Variants in PCLO observed in about 807,000 individuals in gnomAD.
PCLO encodes protein piccolo.
In PCLO, 82 loss-of-function variants were observed where a neutral mutation model predicts 427.5. The observed-to-expected ratio is 0.19, with a 90% CI of 0.16 to 0.23. PCLO has a LOEUF of 0.23. Among genes scored for constraint, PCLO ranks in the 10% least tolerant of loss-of-function variants. The pLI is 1.00. For synonymous variants in PCLO, 2,357 were observed against 2,155.4 expected (o/e 1.09, Z -2.59); for missense variants, 6,239 against 6,115.9 (o/e 1.02, Z -0.67).
At position 82,915,442 on chromosome 7, in the gene PCLO, C is replaced by G. The variant is rs1490571494; in HGVS notation, c.12544G>C (p.Ala4182Pro). The change falls in exon 7 of 25, where the codon GCC (alanine) becomes CCC (proline). Residue 4182 changes from alanine (A) to proline (P), a missense_variant. By Grantham distance (27) the Ala-to-Pro change is conservative (BLOSUM62 -1). Around this residue, in one of 5 missense-constraint regions of PCLO, gnomAD observed 680 missense variants for 677.3 expected, o/e 1.00. Coordinates refer to ENST00000333891, the MANE Select transcript of PCLO (RefSeq NM_033026.6). Reference sequence around the variant, plus strand: ...TTTGACTGCTTTTGATAAAGTATGGCTGCTGGCAGTTGTTTTGCTGCTTGT... The same window carrying G: ...TTTGACTGCTTTTGATAAAGTATGGGTGCTGGCAGTTGTTTTGCTGCTTGT... ...EKQAAKQLPA[A>P]ILYQKQSKHK... The G allele has an allele frequency of 6.2e-7, 1 of 1,613,448 alleles. No homozygotes were observed. The highest frequency in any genetic ancestry group is 1.3e-5 in the African/African-American group (1 of 74,898).
intron 3 of PCLO, among the ~76,000 whole-genome samples, chr7:83,125,356 T>G (rs1045978056): frequency 6.6e-6 from 1 of 151,196 alleles, no homozygotes; most frequent in Non-Finnish European, 1.5e-5. Context: ...AGTGGGGGGC[T>G]GCTCTGCCCG....
rs776452670 is a variant in PCLO, at chr7:82,879,473, C to A, written c.13529-11G>T. On this transcript the variant is annotated splice_polypyrimidine_tract_variant and intron_variant, in intron 9 of 24. Coordinates refer to ENST00000333891, the MANE Select transcript of PCLO (RefSeq NM_033026.6). ...TTCCTAATCCATTACCTGTATTAAA[C>A]AATTAGCAAATTATTAGTACTAATT... 1.3e-6 allele frequency: 2 copies of A among 1,569,698 alleles called. No individual in the cohort carries two copies. Among genetic ancestry groups the A allele is most frequent in the Admixed American group, 3.6e-5 (2 of 56,206 alleles).
intron 3 of PCLO, among the ~76,000 whole-genome samples, chr7:82,968,610 C>T (rs1001659158): frequency 2.2e-4 from 33 of 151,220 alleles, no homozygotes; most frequent in African/African-American, 7.8e-4. Flanking sequence ...ATCTCTGCCG[C>T]CCGGGTTCAA....
intron 3 of PCLO, among the ~76,000 whole-genome samples, chr7:83,066,974 T>G (rs1034777251): frequency 1.6e-4 from 25 of 152,306 alleles, no homozygotes; most frequent in African/African-American, 5.8e-4. Context: ...GACATGACAC[T>G]GCAAGTGAAA....
chr7:82,915,906 G>A lies in PCLO; in HGVS notation c.12080C>T (p.Ser4027Leu). 1 of 1,613,404 alleles carries A rather than the reference G, an allele frequency of 6.2e-7. No individual in the cohort carries two copies. Among genetic ancestry groups the A allele is most frequent in the Non-Finnish European group, 8.5e-7 (1 of 1,179,770 alleles). Residue 4027 changes from serine (S) to leucine (L), a missense_variant, in exon 7 of 25, where the codon TCA becomes TTA. Ser to Leu is a moderately radical substitution (Grantham distance 145). This residue lies in a region of PCLO where 680 missense variants were observed against 677.3 expected (regional missense o/e 1.00). Transcript: ENST00000333891. ...ATAGAAAGAATCTGCAGATATGCTTGATATTGGACTGCTTGCCATGCTACT... is the reference window on the plus strand; with the variant it reads ...ATAGAAAGAATCTGCAGATATGCTTAATATTGGACTGCTTGCCATGCTACT... ...ERSSMASSPI[S>L]SISADSFYAD...
chr7:82,890,771 T>C lies in PCLO; in HGVS notation c.13529-11309A>G, dbSNP rs199675339. On this transcript the variant is annotated intron_variant, in intron 9 of 24. Coordinates refer to ENST00000333891, the MANE Select transcript of PCLO (RefSeq NM_033026.6). ...AATATAAATCTCTGAATAACTTCTA[T>C]TTTAGGCTTGTAGATTTTCATTATA... is the stretch of plus-strand genomic sequence containing the variant. Among the ~76,000 whole-genome samples the C allele has an allele frequency of 3.3e-5, 5 of 152,016 alleles. No homozygotes were observed. In the East Asian group the frequency reaches 9.7e-4, roughly 29 times the overall value.
chr7:83,119,436 C>T (rs140760229), intron 3 of PCLO, among the ~76,000 whole-genome samples: 86 of 152,208 alleles, frequency 5.7e-4, no homozygotes, highest in African/African-American at 2.1e-3. Flanking sequence ...CTCTCACAGT[C>T]TCCAAGAGTC....
chr7:82,821,243 C>T (rs1466970748), intron 20 of PCLO: 5 of 987,468 alleles, frequency 5.1e-6, no homozygotes, highest in Non-Finnish European at 6.0e-6. Context: ...TCCTGCTATG[C>T]TGTGTCTGTG....
Position 82,867,386 on chromosome 7 carries a change from C to A in PCLO, c.13654+11951G>T, listed in dbSNP as rs551495083. ...TATCCCAGTTATCCAGCTAAGAACA[C>A]CTGGGTACTAAAAGTTTTAAAAAAT... On this transcript the variant is annotated intron_variant, in intron 10 of 24. Transcript: ENST00000333891. Among the ~76,000 whole-genome samples, 4 of 152,264 alleles carry A rather than the reference C, an allele frequency of 2.6e-5. No homozygotes were observed. In the South Asian group the frequency reaches 6.2e-4, roughly 24 times the overall value.
At position 83,155,142 on chromosome 7, in the gene PCLO, G is replaced by A. The variant is rs375483530; in HGVS notation, c.1499C>T (p.Pro500Leu). 7.9e-6 allele frequency: 12 copies of A among 1,517,382 alleles called. No homozygotes were observed. Among genetic ancestry groups the A allele is most frequent in the Non-Finnish European group, 1.1e-5 (12 of 1,115,710 alleles). The allele number at this position is 1,517,382 out of a possible 1,614,324, so 94.0% of individuals were successfully genotyped here. A position where few individuals can be genotyped will look rare whatever the true frequency, so the allele number is the denominator to read the frequency against. The stretch of plus-strand genomic sequence containing the variant: ...TTTTGTTGAGCCAGGCTGTTGAGAT[G>A]GGGGCTTTGCTGAGCCAGGCTGTTG... ...PPQQPGSAKP[P>L]SQQPGSTKPP... The change falls in exon 2 of 25, where the codon CCA becomes CTA. Residue 500 changes from proline (P) to leucine (L), a missense_variant. This residue lies in a region of PCLO where 4,677 missense variants were observed against 4,468.4 expected (regional missense o/e 1.05). Coordinates refer to ENST00000333891, the MANE Select transcript of PCLO (RefSeq NM_033026.6).
intron 22 of PCLO, among the ~76,000 whole-genome samples, chr7:82,801,069 T>G (rs1260692697): frequency 6.6e-6 from 1 of 151,522 alleles, no homozygotes; most frequent in Non-Finnish European, 1.5e-5. Context: ...GTTTAGCAAT[T>G]AATTTTTCTG....
rs199609017 is a variant in PCLO at position 83,030,119 on chromosome 7, G to GAAAAAA, written c.3301-63638_3301-63633dup. On this transcript the variant is annotated intron_variant, in intron 3 of 24. Coordinates refer to ENST00000333891, the MANE Select transcript of PCLO (RefSeq NM_033026.6). ...TAAAACTTAAAGTATAATAATAAAA[G>GAAAAAA]AAAAAAAAAAAAAAAGAAAAGAAAA... Among the ~76,000 whole-genome samples the GAAAAAA allele has an allele frequency of 7.4e-3, 770 of 104,038 alleles. 2 individuals carry two copies. Among genetic ancestry groups the GAAAAAA allele is most frequent in the Middle Eastern group, 0.02 (3 of 148 alleles). The allele number at this position is 104,038 out of a possible 152,430, so 68.3% of individuals were successfully genotyped here.
At chr7:83,045,770 T>C (rs1036386071) in intron 3 of PCLO, among the ~76,000 whole-genome samples, 2 of 152,104 alleles carry the variant, frequency 1.3e-5, no homozygotes, top group African/African-American at 2.4e-5. Context: ...ACCAAAATGA[T>C]GGTTGTATAA....
At chr7:83,048,498 C>T (rs1226841944) in intron 3 of PCLO, among the ~76,000 whole-genome samples, 1 of 152,028 alleles carries the variant, frequency 6.6e-6, no homozygotes, top group Non-Finnish European at 1.5e-5. Context: ...GTTTCATCCA[C>T]ACCCCAGGTC....
chr7:83,039,606 T>C (rs1327317772), intron 3 of PCLO, among the ~76,000 whole-genome samples: 1 of 152,130 alleles, frequency 6.6e-6, no homozygotes, highest in East Asian at 1.9e-4. Flanking sequence ...TGCTGCTTTG[T>C]AGTAAGTTTT....
At chr7:83,147,620 T>C (rs910376859) in intron 2 of PCLO, among the ~76,000 whole-genome samples, 1 of 152,104 alleles carries the variant, frequency 6.6e-6, no homozygotes, top group African/African-American at 2.4e-5. Flanking sequence ...TCCCTGACAT[T>C]TCACCAAGAA....
chr7:83,109,715 A>C (rs1790954618), intron 3 of PCLO, among the ~76,000 whole-genome samples: 1 of 152,180 alleles, frequency 6.6e-6, no homozygotes, highest in Admixed American at 6.6e-5. Context: ...AAAGCAAAGA[A>C]CAAAATGAAT....
intron 6 of PCLO, among the ~76,000 whole-genome samples, chr7:82,930,675 T>C (rs1794820149): frequency 6.6e-6 from 1 of 152,194 alleles, no homozygotes; most frequent in South Asian, 2.1e-4. Flanking sequence ...CCCTGGTCTC[T>C]GACTCCTTAT....
At chr7:82,813,650 A>G (rs926102387) in intron 20 of PCLO, among the ~76,000 whole-genome samples, 2 of 151,706 alleles carry the variant, frequency 1.3e-5, no homozygotes, top group African/African-American at 4.8e-5. Flanking sequence ...ATATTTGTCT[A>G]TTTTGTTTGC....
Sources: allele counts gnomAD v4.1 joint callset (sites outside exome capture counted in the v4.1 genomes callset), GRCh38; gene constraint gnomAD v4.1.1; regional missense constraint gnomAD v4.1.1; transcripts MANE v1.5; gene names NCBI Gene and HGNC (gene_info 2026-07-23, HGNC 2026-07-21).